PATE1: variants seen among roughly 807,000 people sequenced by gnomAD.
PATE1 encodes the protein prostate and testis expressed 1.
PATE1 carries 21 observed loss-of-function variants against 13.1 expected under a neutral mutation model. The observed-to-expected ratio is 1.61, with a 90% CI of 1.14 to 2.31. PATE1 has a LOEUF of 2.31. Ranked by LOEUF, PATE1 falls within the 30% of genes most tolerant of loss-of-function variation. The probability of loss-of-function intolerance (pLI) is 0.00; values close to 1 mark genes in which losing one functional copy is unlikely to be tolerated. For missense variants in PATE1, 166 were observed against 147.2 expected (o/e 1.13, Z -0.66); for synonymous variants, 52 against 47.1 (o/e 1.10, Z -0.43).
At chr11:125,748,012 G>A (rs1591456796) in intron 4 of PATE1, 190 bp downstream of exon 4, 2 of 808,476 alleles carry the variant, frequency 2.5e-6, no homozygotes, top group Non-Finnish European at 1.9e-6. Context: ...GGAGGGTGGG[G>A]GCCTACAGCT....
At position 125,748,763 on chromosome 11, in the gene PATE1, T is replaced by C. The variant is rs778479683; in HGVS notation, c.*30T>C. Reference sequence around the variant, plus strand: ...TAATGGTTCTTCTGTGACTCCAATTTCTGGGTGAGGTTGTTGCCTCAGCCT... The same window carrying C: ...TAATGGTTCTTCTGTGACTCCAATTCCTGGGTGAGGTTGTTGCCTCAGCCT... On this transcript the variant is annotated 3_prime_UTR_variant, in exon 5 of 5. Coordinates refer to ENST00000305738, the MANE Select transcript of PATE1 (RefSeq NM_138294.3). 1 of 1,609,148 alleles carries C rather than the reference T, an allele frequency of 6.2e-7. No homozygotes were observed. The highest frequency in any genetic ancestry group is 1.1e-5 in the South Asian group (1 of 90,008).
chr11:125,747,636 G>T, intron 3 of PATE1, 64 bp from the exon 4 acceptor site: 8 of 1,600,084 alleles, frequency 5.0e-6, no homozygotes, highest in Non-Finnish European at 6.8e-6. Context: ...CCCAAAAGGG[G>T]AGAGGGGTTC....
In PATE1 at chr11:125,747,399, A is replaced by G. The variant is rs1161626160; in HGVS notation, c.112A>G (p.Asn38Asp). Reference sequence around the variant, plus strand: ...AGTCAATGAAATAGTTGCTGTGAAAAACAATTTTCCTGGTAAGTATGAAGA... The same window carrying G: ...AGTCAATGAAATAGTTGCTGTGAAAGACAATTTTCCTGGTAAGTATGAAGA... Reference protein sequence around the residue: ...DAVNEIVAVKNNFPVIEIVQC... With the variant: ...DAVNEIVAVKDNFPVIEIVQC... Residue 38 changes from asparagine (N) to aspartate (D), a missense_variant, in exon 3 of 5, where the codon AAC becomes GAC. Coordinates refer to ENST00000305738, the MANE Select transcript of PATE1 (RefSeq NM_138294.3). 2 of 1,612,670 alleles carry G rather than the reference A, an allele frequency of 1.2e-6. No homozygotes were observed. The highest frequency in any genetic ancestry group is 2.2e-5 in the South Asian group (2 of 91,050).
At chr11:125,748,126 TTG>T (rs1366507879) in intron 4 of PATE1, 1 of 361,064 alleles carries the variant, frequency 2.8e-6, no homozygotes, top group African/African-American at 2.1e-5. Context: ...TGTTGTTGAG[TTG>T]TGGAGGGGGC....
Position 125,749,453 on chromosome 11 carries a change from A to T in PATE1, c.*720A>T, listed in dbSNP as rs942061928. Reference sequence around the variant, plus strand: ...CTGCCAAACTCACAAGGAGACATCAACCTCTAGACAGGGAACAGCTTCAGG... The same window carrying T: ...CTGCCAAACTCACAAGGAGACATCATCCTCTAGACAGGGAACAGCTTCAGG... On this transcript the variant is annotated 3_prime_UTR_variant, in exon 5 of 5. Coordinates refer to ENST00000305738, the MANE Select transcript of PATE1 (RefSeq NM_138294.3). The T allele has an allele frequency of 6.6e-6, 1 of 152,246 alleles. No individual in the cohort carries two copies. The highest frequency in any genetic ancestry group is 2.4e-5 in the African/African-American group (1 of 41,438). The allele number at this position is 152,246 out of a possible 1,614,324, so 9.4% of individuals were successfully genotyped here.
chr11:125,747,920 T>C, intron 4 of PATE1, 98 bp downstream of exon 4: 3 of 1,531,842 alleles, frequency 2.0e-6, no homozygotes, highest in South Asian at 1.2e-5. Context: ...ACTTTTACTA[T>C]AGGCAGTCTC....
At position 125,748,066 on chromosome 11, in the gene PATE1, T is replaced by C. The variant is rs182496123; in HGVS notation, c.247+244T>C. 6.9e-4 allele frequency: 347 copies of C among 505,898 alleles called. 1 individual carries two copies. Among genetic ancestry groups the C allele is most frequent in the Non-Finnish European group, 1.1e-3 (310 of 284,866 alleles). 31.3% of individuals were successfully genotyped at this position (505,898 alleles called of 1,614,324 possible). A position where few individuals can be genotyped will look rare whatever the true frequency, so the allele number is the denominator to read the frequency against. Reference sequence around the variant, plus strand: ...GAAGCCTGAAGAAAACAGAGGAGAATAAATCAAGGTAAGAGAATAGGTGTA... The same window carrying C: ...GAAGCCTGAAGAAAACAGAGGAGAACAAATCAAGGTAAGAGAATAGGTGTA... On this transcript the variant is annotated intron_variant, in intron 4 of 4. Transcript: ENST00000305738.
At position 125,747,832 on chromosome 11, in the gene PATE1, G is replaced by A. The variant is rs189542079; in HGVS notation, c.247+10G>A. On this transcript the variant is annotated intron_variant, in intron 4 of 4. Coordinates refer to ENST00000305738, the MANE Select transcript of PATE1 (RefSeq NM_138294.3). ...GGAAGGATGTTCAAAAGTAAGTTGTGGGTTGGGGAAAAGAAGAACGGGCAG... is the reference window on the plus strand; with the variant it reads ...GGAAGGATGTTCAAAAGTAAGTTGTAGGTTGGGGAAAAGAAGAACGGGCAG... 50 of 1,613,558 alleles carry A rather than the reference G, an allele frequency of 3.1e-5. No individual in the cohort carries two copies. Among genetic ancestry groups the A allele is most frequent in the Non-Finnish European group, 4.0e-5 (47 of 1,179,638 alleles).
Position 125,748,795 on chromosome 11 carries a change from A to T in PATE1, c.*62A>T. The stretch of plus-strand genomic sequence containing the variant: ...GAGGTTGTTGCCTCAGCCTCTTCAC[A>T]ATGACTTTCTAAAAAAAATCACACA... On this transcript the variant is annotated 3_prime_UTR_variant, in exon 5 of 5. Coordinates refer to ENST00000305738, the MANE Select transcript of PATE1 (RefSeq NM_138294.3). 6.4e-7 allele frequency: 1 copy of T among 1,570,028 alleles called. No homozygotes were observed. Among genetic ancestry groups the T allele is most frequent in the African/African-American group, 1.4e-5 (1 of 69,704 alleles).
intron 2 of PATE1, 111 bp from the exon 3 acceptor site, chr11:125,747,265 G>A (rs1362144794): frequency 1.2e-5 from 11 of 937,560 alleles, no homozygotes; most frequent in African/African-American, 9.7e-5. Context: ...GCCTGGAATG[G>A]CTCCAGTTTA....
intron 2 of PATE1, 91 bp downstream of exon 2, chr11:125,746,787 AC>A: frequency 7.4e-7 from 1 of 1,352,974 alleles, no homozygotes; most frequent in African/African-American, 1.4e-5. Flanking sequence ...GCCAAAAAAA[AC>A]CAAAATACGA....
At chr11:125,746,794 T>C (rs1055751747) in intron 2 of PATE1, 98 bp downstream of exon 2, 4 of 1,246,374 alleles carry the variant, frequency 3.2e-6, no homozygotes, top group Non-Finnish European at 2.4e-6. Flanking sequence ...AAAACCAAAA[T>C]ACGAATAGAC....
chr11:125,747,503 C>A, intron 3 of PATE1, 92 bp downstream of exon 3: 2 of 1,456,242 alleles, frequency 1.4e-6, no homozygotes, highest in Non-Finnish European at 1.9e-6. Context: ...TCCCATTTTT[C>A]AGGCTAAAAT....
chr11:125,746,330 T>C lies in PATE1; in HGVS notation c.26T>C (p.Leu9Pro). Residue 9 changes from leucine (L) to proline (P), a missense_variant, in exon 1 of 5, where the codon CTC (leucine) becomes CCC (proline). By Grantham distance (98) the Leu-to-Pro change is moderately conservative (BLOSUM62 -3). Coordinates refer to ENST00000305738, the MANE Select transcript of PATE1 (RefSeq NM_138294.3). Reference protein sequence around the residue: MDKSLLLELPILLCCFRAL... With the variant: MDKSLLLEPPILLCCFRAL... ...ATGGACAAGTCCCTCTTGCTGGAAC[T>C]CCCCATCCTGCTCTGCTGCTTTAGG... The C allele has an allele frequency of 6.2e-7, 1 of 1,613,904 alleles. No individual in the cohort carries two copies. The highest frequency in any genetic ancestry group is 8.5e-7 in the Non-Finnish European group (1 of 1,179,862).
In PATE1 at chr11:125,746,294, C is replaced by G; in HGVS notation, c.-11C>G. On this transcript the variant is annotated 5_prime_UTR_variant, in exon 1 of 5. Transcript: ENST00000305738. ...GCTTCGTGCTGTAGCCTGGCCCTCC[C>G]TCTTTCCAAAATGGACAAGTCCCTC... 6.2e-7 allele frequency: 1 copy of G among 1,613,758 alleles called. No individual in the cohort carries two copies. Among genetic ancestry groups the G allele is most frequent in the Non-Finnish European group, 8.5e-7 (1 of 1,179,688 alleles).
rs1943305895 is a variant in PATE1 at position 125,748,944 on chromosome 11, C to A, written c.*211C>A. The A allele has an allele frequency of 5.9e-6, 3 of 511,564 alleles. No homozygotes were observed. The highest frequency in any genetic ancestry group is 6.6e-6 in the Non-Finnish European group (2 of 304,024). 31.7% of individuals were successfully genotyped at this position (511,564 alleles called of 1,614,324 possible). A position where few individuals can be genotyped will look rare whatever the true frequency, so the allele number is the denominator to read the frequency against. ...CCCCTTAAAATAAGTAAATAAATAA[C>A]CTTGAGAGAAAGAACAAGATCAATA... On this transcript the variant is annotated 3_prime_UTR_variant, in exon 5 of 5. Coordinates refer to ENST00000305738, the MANE Select transcript of PATE1 (RefSeq NM_138294.3).
intron 1 of PATE1, 128 bp downstream of exon 1, chr11:125,746,484 A>G (rs76179820): frequency 0.13 from 165,040 of 1,309,190 alleles, 11,066 homozygotes; most frequent in East Asian, 0.18. Context: ...TTCTAATGTT[A>G]TGCCTTCTAC....
At chr11:125,747,585 T>C in intron 3 of PATE1, 115 bp from the exon 4 acceptor site, 2 of 1,487,832 alleles carry the variant, frequency 1.3e-6, no homozygotes, top group Non-Finnish European at 1.8e-6. Flanking sequence ...TCACGCTTGA[T>C]GGGCTCTGGC....
At position 125,748,720 on chromosome 11, in the gene PATE1, A is replaced by G. The variant is rs1157449929; in HGVS notation, c.368A>G (p.Asn123Ser). Residue 123 changes from asparagine (N) to serine (S), a missense_variant, in exon 5 of 5, where the codon AAT becomes AGT. By Grantham distance (46) the Asn-to-Ser change is conservative. Transcript: ENST00000305738. Reference sequence around the variant, plus strand: ...TGCTGCAGGAGCCATGACCTGTGCAATGAAGACCTTTAGAAGTTAATGGTT... The same window carrying G: ...TGCTGCAGGAGCCATGACCTGTGCAGTGAAGACCTTTAGAAGTTAATGGTT... ...FRCCRSHDLC[N>S]EDL 17 of 1,613,636 alleles carry G rather than the reference A, an allele frequency of 1.1e-5. No homozygotes were observed. The Admixed American group carries it at 2.8e-4, about 27-fold the overall frequency.
Sources: gnomAD v4.1 joint callset for allele counts on GRCh38, gnomAD v4.1.1 for gene constraint, MANE v1.5 for transcripts, NCBI Gene and HGNC (gene_info 2026-07-23, HGNC 2026-07-21) for gene names.